FLI1: variants seen among roughly 807,000 people sequenced by gnomAD.
FLI1 encodes the protein Fli-1 proto-oncogene, ETS transcription factor.
In FLI1, 13 loss-of-function variants were observed where a neutral mutation model predicts 53.1. That is an observed-to-expected ratio of 0.24 (90% CI 0.16 to 0.39). FLI1 has a LOEUF of 0.39. Ranked by LOEUF, FLI1 falls within the 10% of genes least tolerant of loss-of-function variation. FLI1 has a pLI of 1.00. For synonymous variants in FLI1, 244 were observed against 236.7 expected (o/e 1.03, Z -0.28); for missense variants, 424 against 600.5 (o/e 0.71, Z 3.07).
chr11:128,762,670 T>C (rs1432050224), intron 2 of FLI1, among the ~76,000 whole-genome samples: 1 of 152,200 alleles, frequency 6.6e-6, no homozygotes, highest in Non-Finnish European at 1.5e-5. Context: ...TAAAATTATG[T>C]AGCTCGGCCA....
chr11:128,689,794 G>A (rs1445048844), upstream of FLI1, among the ~76,000 whole-genome samples: 2 of 152,166 alleles, frequency 1.3e-5, no homozygotes, highest in Non-Finnish European at 2.9e-5. Flanking sequence ...GACTCCCTCG[G>A]GGTTTCCTCA....
chr11:128,698,514 G>C (rs1006051256), intron 1 of FLI1, among the ~76,000 whole-genome samples: 4 of 152,114 alleles, frequency 2.6e-5, no homozygotes, highest in Non-Finnish European at 5.9e-5. Flanking sequence ...TCACTTTATG[G>C]GTGGGGAAAC....
intron 1 of FLI1, among the ~76,000 whole-genome samples, chr11:128,736,360 C>T (rs946181990): frequency 2.0e-5 from 3 of 152,174 alleles, no homozygotes; most frequent in African/African-American, 7.2e-5. Context: ...CAGCTTTTGG[C>T]GGTAGCATGA....
chr11:128,799,245 G>A (rs1203484728), intron 5 of FLI1, among the ~76,000 whole-genome samples: 1 of 151,844 alleles, frequency 6.6e-6, no homozygotes, highest in Non-Finnish European at 1.5e-5. Flanking sequence ...GGGAATCACT[G>A]TTCCAGGAGC....
chr11:128,781,266 A>G (rs1941907214), intron 4 of FLI1, among the ~76,000 whole-genome samples: 1 of 152,164 alleles, frequency 6.6e-6, no homozygotes, highest in African/African-American at 2.4e-5. Context: ...TCCACCAGTA[A>G]CATACCTGTG....
At chr11:128,705,418 C>A (rs1423642065) in intron 1 of FLI1, among the ~76,000 whole-genome samples, 5 of 152,200 alleles carry the variant, frequency 3.3e-5, no homozygotes, top group Admixed American at 3.3e-4. Context: ...TTTGACCTGC[C>A]AAGGCTTCCT....
intron 5 of FLI1, among the ~76,000 whole-genome samples, chr11:128,789,442 G>C (rs1942198749): frequency 6.6e-6 from 1 of 152,188 alleles, no homozygotes; most frequent in South Asian, 2.1e-4. Context: ...AAATAAGACT[G>C]ACCATGAATT....
At chr11:128,762,750 A>T (rs1941172558) in intron 2 of FLI1, among the ~76,000 whole-genome samples, 1 of 152,090 alleles carries the variant, frequency 6.6e-6, no homozygotes, top group African/African-American at 2.4e-5. Context: ...TGAGGTCGGG[A>T]GTTCGAGACC....
rs1411030692 is a variant in FLI1 at position 128,772,916 on chromosome 11, G to A, written c.520G>A (p.Asp174Asn). The A allele has an allele frequency of 6.2e-7, 1 of 1,613,904 alleles. No individual in the cohort carries two copies. The highest frequency in any genetic ancestry group is 2.2e-5 in the East Asian group (1 of 44,894). ...GGAACTGTGTAAAATGAACAAGGAG[G>A]ACTTCCTCCGCGCCACCACCCTCTA... ...GKELCKMNKE[D>N]FLRATTLYNT... The change falls in exon 4 of 9, where the codon GAC becomes AAC. Residue 174 changes from aspartate (D) to asparagine (N), a missense_variant. Coordinates refer to ENST00000527786, the MANE Select transcript of FLI1 (RefSeq NM_002017.5).
chr11:128,700,598 G>A (rs988267909), intron 1 of FLI1, among the ~76,000 whole-genome samples: 3 of 152,202 alleles, frequency 2.0e-5, no homozygotes, highest in African/African-American at 7.2e-5. Context: ...TTGGGGGTGA[G>A]TATGGTGGCT....
intron 2 of FLI1, chr11:128,764,714 G>T (rs376985772): frequency 6.4e-7 from 1 of 1,556,776 alleles, no homozygotes; most frequent in East Asian, 2.3e-5. Flanking sequence ...CACCCTGAGC[G>T]GCAGCCGTGG....
chr11:128,765,092 T>G (rs962103659), intron 2 of FLI1, among the ~76,000 whole-genome samples: 20 of 151,942 alleles, frequency 1.3e-4, no homozygotes, highest in African/African-American at 4.8e-4. Context: ...CTGGGAGAAC[T>G]TCTATGGGTC....
intron 1 of FLI1, among the ~76,000 whole-genome samples, chr11:128,751,343 T>G (rs1008274916): frequency 6.7e-6 from 1 of 149,598 alleles, no homozygotes; most frequent in Non-Finnish European, 1.5e-5. Context: ...TGGCCTTCAT[T>G]AAAATTTTTT....
chr11:128,700,521 G>A (rs564781026), intron 1 of FLI1, among the ~76,000 whole-genome samples: 41 of 152,216 alleles, frequency 2.7e-4, no homozygotes, highest in Non-Finnish European at 4.4e-4. Context: ...AGGTGATGGA[G>A]AGGATGGGAG....
chr11:128,748,506 G>A lies in FLI1; in HGVS notation c.19-9609G>A, dbSNP rs562861519. On this transcript the variant is annotated intron_variant, in intron 1 of 8. Coordinates refer to ENST00000527786, the MANE Select transcript of FLI1 (RefSeq NM_002017.5). ...TAATTAGATGGGCGTGGTGGTGGGCGCCTGTAATCCCAGCTACTCAGGAGG... is the reference window on the plus strand; with the variant it reads ...TAATTAGATGGGCGTGGTGGTGGGCACCTGTAATCCCAGCTACTCAGGAGG... Among the ~76,000 whole-genome samples, 10 of 152,190 alleles carry A rather than the reference G, an allele frequency of 6.6e-5. No individual in the cohort carries two copies. In the East Asian group the frequency reaches 1.5e-3, roughly 23 times the overall value.
rs1447131318 is a variant in FLI1 at position 128,810,807 on chromosome 11, C to T, written c.1178C>T (p.Ala393Val). The T allele has an allele frequency of 1.2e-6, 2 of 1,614,040 alleles. No homozygotes were observed. Among genetic ancestry groups the T allele is most frequent in the African/African-American group, 1.3e-5 (1 of 75,056 alleles). Residue 393 changes from alanine to valine, a missense_variant, in exon 9 of 9, where the codon GCC (alanine) becomes GTC (valine). Ala to Val is a moderately conservative substitution (Grantham distance 64). Around this residue, in one of 5 missense-constraint regions of FLI1, gnomAD observed 87 missense variants for 100.0 expected, o/e 0.87. Coordinates refer to ENST00000527786, the MANE Select transcript of FLI1 (RefSeq NM_002017.5). The surrounding 1 kb of genome is among the most constrained non-coding windows in gnomAD (Gnocchi z 6.6). ...SDISYMPSYHAHQQKVNFVPP... is the reference protein window; with the variant it reads ...SDISYMPSYHVHQQKVNFVPP... ...ATCTCCTACATGCCTTCCTACCATG[C>T]CCACCAGCAGAAGGTGAACTTTGTC...
intron 4 of FLI1, among the ~76,000 whole-genome samples, chr11:128,775,630 C>T (rs1476209651): frequency 2.0e-5 from 3 of 152,236 alleles, no homozygotes; most frequent in Non-Finnish European, 2.9e-5. Flanking sequence ...GCACTTTAAA[C>T]GCTTTTAAAG....
intron 1 of FLI1, among the ~76,000 whole-genome samples, chr11:128,723,071 G>T (rs1251282259): frequency 6.6e-6 from 1 of 152,074 alleles, no homozygotes; most frequent in African/African-American, 2.4e-5. Flanking sequence ...GCTCTCTTGG[G>T]TCCTCTTTAT....
chr11:128,794,805 G>C (rs1172410033), intron 5 of FLI1, among the ~76,000 whole-genome samples: 1 of 152,210 alleles, frequency 6.6e-6, no homozygotes, highest in Admixed American at 6.5e-5. Context: ...GTCAGGTGTG[G>C]TGGCTCACGC....
Sources: gnomAD v4.1 joint callset for allele counts (sites outside exome capture counted in the v4.1 genomes callset) on GRCh38, gnomAD v4.1.1 for gene constraint, gnomAD v4.1.1 regional missense constraint, Gnocchi (gnomAD v3.1) non-coding constraint, MANE v1.5 for transcripts, NCBI Gene and HGNC (gene_info 2026-07-23, HGNC 2026-07-21) for gene names.